The following ZNF536 variants were observed in gnomAD, a reference collection of about 807,000 sequenced individuals.
ZNF536 encodes the protein zinc finger protein 536.
In ZNF536, 13 loss-of-function variants were observed where a neutral mutation model predicts 84.5. That is an observed-to-expected ratio of 0.15 (90% CI 0.10 to 0.24). The LOEUF is 0.24. ZNF536 is among the 10% of genes least tolerant of loss of function. The pLI is 1.00. For missense variants in ZNF536, 1,536 were observed against 1,747.5 expected, an observed-to-expected ratio of 0.88 and a Z score of 2.16; for synonymous variants, 811 against 742.5, an observed-to-expected ratio of 1.09 and a Z score of -1.50.
At chr19:30,384,756 G>A (rs2049269249) in intron 1 of ZNF536, among the ~76,000 whole-genome samples, 1 of 152,192 alleles carries the variant, frequency 6.6e-6, no homozygotes, top group Admixed American at 6.5e-5. Flanking sequence ...GCCAGGCATG[G>A]TGGCTTACAT....
rs2049109209 is a variant in ZNF536 at position 30,637,469 on chromosome 19, C to T, written c.170-73288C>T. Among the ~76,000 whole-genome samples the T allele has an allele frequency of 2.0e-5, 3 of 152,322 alleles. No individual in the cohort carries two copies. The South Asian group carries it at 6.2e-4, about 32-fold the overall frequency. Reference sequence around the variant, plus strand: ...AACTCTTCTATTTTGCAACTCTCTGCCTTTTCAAATTATACCCTTCTATAG... The same window carrying T: ...AACTCTTCTATTTTGCAACTCTCTGTCTTTTCAAATTATACCCTTCTATAG... On this transcript the variant is annotated intron_variant, in intron 1 of 1. Coordinates refer to the ZNF536 transcript ENST00000592773.
At chr19:30,524,727 G>A (rs2044505311) in intron 2 of ZNF536, among the ~76,000 whole-genome samples, 1 of 152,052 alleles carries the variant, frequency 6.6e-6, no homozygotes, top group African/African-American at 2.4e-5. Flanking sequence ...AAACAGGAGG[G>A]GCTGTAAATT....
chr19:30,462,380 G>A (rs1218745037), intron 2 of ZNF536, among the ~76,000 whole-genome samples: 4 of 152,026 alleles, frequency 2.6e-5, no homozygotes, highest in Admixed American at 2.6e-4. Context: ...GTGTGCTTGT[G>A]CTGTCTTGGG....
chr19:30,391,684 G>A (rs1210364950), intron 1 of ZNF536, among the ~76,000 whole-genome samples: 3 of 149,790 alleles, frequency 2.0e-5, no homozygotes, highest in African/African-American at 7.4e-5. Context: ...ACCACAGAGC[G>A]ATCTGAGAAA....
chr19:30,601,540 G>A (rs1417782538), intron 1 of ZNF536, among the ~76,000 whole-genome samples: 1 of 152,196 alleles, frequency 6.6e-6, no homozygotes, highest in Non-Finnish European at 1.5e-5. Context: ...TGTAACACTT[G>A]AATATGGGCA....
chr19:30,258,538 G>C (rs867493257), intron 1 of ZNF536, among the ~76,000 whole-genome samples: 1 of 152,186 alleles, frequency 6.6e-6, no homozygotes. Context: ...TTATGGAAGA[G>C]TGCTTTATCA....
At chr19:30,250,645 T>C (rs1255880986) in intron 1 of ZNF536, among the ~76,000 whole-genome samples, 2 of 152,186 alleles carry the variant, frequency 1.3e-5, no homozygotes, top group Non-Finnish European at 2.9e-5. Context: ...GTCGCTGAGC[T>C]TTGGAATCTG....
At chr19:30,458,275 C>T (rs1012546975) in intron 2 of ZNF536, among the ~76,000 whole-genome samples, 33 of 151,946 alleles carry the variant, frequency 2.2e-4, no homozygotes, top group African/African-American at 7.7e-4. Flanking sequence ...GATTCGGAGA[C>T]GCCTCTCAGC....
intron 2 of ZNF536, among the ~76,000 whole-genome samples, chr19:30,463,837 C>T (rs542312808): frequency 1.3e-5 from 2 of 152,212 alleles, no homozygotes; most frequent in South Asian, 4.2e-4. Context: ...GGGGTGCAGG[C>T]ATGGTGGTGT....
intron 1 of ZNF536, among the ~76,000 whole-genome samples, chr19:30,387,412 G>C (rs2049387652): frequency 6.6e-6 from 1 of 152,208 alleles, no homozygotes; most frequent in South Asian, 2.1e-4. Flanking sequence ...GCTGATGCAG[G>C]GGCCATGCTT....
chr19:30,452,222 C>T lies in ZNF536; in HGVS notation c.2170+6490C>T, dbSNP rs1441457001. Among the ~76,000 whole-genome samples the T allele has an allele frequency of 1.3e-5, 2 of 152,370 alleles. 1 individual carries two copies. Among genetic ancestry groups the T allele is most frequent in the South Asian group, 4.1e-4 (2 of 4,828 alleles). On this transcript the variant is annotated intron_variant, in intron 2 of 4. Coordinates refer to ENST00000355537, the MANE Select transcript of ZNF536 (RefSeq NM_014717.3). Reference sequence around the variant, plus strand: ...GTGTTATGTGAGCCCTGCCAGGGGCCACTTCTGCAGAGCTGGGGCAGCCTC... The same window carrying T: ...GTGTTATGTGAGCCCTGCCAGGGGCTACTTCTGCAGAGCTGGGGCAGCCTC...
chr19:30,562,271 A>ATAT (rs2046198026), downstream of ZNF536, among the ~76,000 whole-genome samples: 1 of 152,054 alleles, frequency 6.6e-6, no homozygotes, highest in Non-Finnish European at 1.5e-5. Context: ...TCCCCATACC[A>ATAT]GTAGGGCCCC....
chr19:30,294,561 G>A (rs199737810), intron 2 of ZNF536, among the ~76,000 whole-genome samples: 31,312 of 150,226 alleles, frequency 0.21, 3,762 homozygotes, highest in East Asian at 0.52. Context: ...GTGTGTGTGT[G>A]TGTGTGTGTG....
intron 1 of ZNF536, among the ~76,000 whole-genome samples, chr19:30,563,284 G>A (rs2046236213): frequency 6.6e-6 from 1 of 152,176 alleles, no homozygotes; most frequent in African/African-American, 2.4e-5. Context: ...TCCCTGGGGT[G>A]AACACATCTG....
At chr19:30,708,332 T>C (rs2052331566) in intron 1 of ZNF536, among the ~76,000 whole-genome samples, 1 of 152,196 alleles carries the variant, frequency 6.6e-6, no homozygotes, top group South Asian at 2.1e-4. Context: ...CACAGTGACG[T>C]CTATGTGCAG....
Position 30,462,573 on chromosome 19 carries a change from C to G in ZNF536, c.2170+16841C>G, listed in dbSNP as rs1280900543. ...TGTGTATTGATGTGTGCACAGGTGACAGTGACTTGGGATGTGAATGTCAGT... is the reference window on the plus strand; with the variant it reads ...TGTGTATTGATGTGTGCACAGGTGAGAGTGACTTGGGATGTGAATGTCAGT... On this transcript the variant is annotated intron_variant, in intron 2 of 4. Coordinates refer to ENST00000355537, the MANE Select transcript of ZNF536 (RefSeq NM_014717.3). Among the ~76,000 whole-genome samples, 128 of 152,120 alleles carry G rather than the reference C, an allele frequency of 8.4e-4. 2 individuals carry two copies. The highest frequency in any genetic ancestry group is 1.1e-3 in the Non-Finnish European group (77 of 67,998).
chr19:30,367,776 A>T (rs994759533), upstream of ZNF536, among the ~76,000 whole-genome samples: 1 of 152,136 alleles, frequency 6.6e-6, no homozygotes. Flanking sequence ...TCCTGGCCTC[A>T]CAGATCACAG....
At chr19:30,413,324 A>C (rs2050576223) in intron 1 of ZNF536, among the ~76,000 whole-genome samples, 1 of 152,006 alleles carries the variant, frequency 6.6e-6, no homozygotes, top group African/African-American at 2.4e-5. Flanking sequence ...ATTTGTTTTC[A>C]ATTCTTTTCA....
chr19:30,484,685 C>CTTCT (rs989000963), intron 2 of ZNF536, among the ~76,000 whole-genome samples: 5 of 120,186 alleles, frequency 4.2e-5, no homozygotes, highest in African/African-American at 1.5e-4. Context: ...TCTTCTTCTT[C>CTTCT]TTTTTTTTTT....
Sources: allele counts gnomAD v4.1 joint callset (sites outside exome capture counted in the v4.1 genomes callset), GRCh38; gene constraint gnomAD v4.1.1; transcripts MANE v1.5; gene names NCBI Gene and HGNC (gene_info 2026-07-23, HGNC 2026-07-21).